The following RALYL variants were observed in gnomAD, a reference collection of about 807,000 sequenced individuals.
RALYL encodes RALY RNA binding protein like.
In RALYL, 29 loss-of-function variants were observed where a neutral mutation model predicts 35.1. That is an observed-to-expected ratio of 0.83 (90% CI 0.61 to 1.13). RALYL has a LOEUF of 1.13. Ranked by LOEUF, RALYL falls within the 50% of genes most tolerant of loss-of-function variation. The pLI is 0.00. For synonymous variants in RALYL, 120 were observed against 127.6 expected (o/e 0.94, Z 0.40); for missense variants, 359 against 360.4 (o/e 1.00, Z 0.03).
chr8:84,840,703 A>C (rs1038252208), intron 4 of RALYL, among the ~76,000 whole-genome samples: 1 of 152,242 alleles, frequency 6.6e-6, no homozygotes, highest in African/African-American at 2.4e-5. Context: ...AAAAATGTTA[A>C]GGGCAGCCAG....
intron 1 of RALYL, among the ~76,000 whole-genome samples, chr8:84,481,334 T>A (rs1176426551): frequency 6.6e-6 from 1 of 152,172 alleles, no homozygotes; most frequent in Non-Finnish European, 1.5e-5. Context: ...ATTTTGTTGC[T>A]GTTGTTTGTT....
intron 2 of RALYL, among the ~76,000 whole-genome samples, chr8:84,575,947 G>A (rs1344614043): frequency 2.8e-5 from 4 of 143,094 alleles, no homozygotes; most frequent in African/African-American, 1.1e-4. Context: ...GGGCAACATA[G>A]CAAGATTTTG....
intron 2 of RALYL, among the ~76,000 whole-genome samples, chr8:84,532,683 A>G (rs2059350171): frequency 6.6e-6 from 1 of 152,078 alleles, no homozygotes; most frequent in Non-Finnish European, 1.5e-5. Context: ...TTGATCTCAA[A>G]TAATGCATAT....
intron 4 of RALYL, among the ~76,000 whole-genome samples, chr8:84,815,414 A>T (rs1331087736): frequency 1.4e-5 from 2 of 147,900 alleles, no homozygotes; most frequent in Middle Eastern, 3.6e-3. Flanking sequence ...TTTACTATTT[A>T]TATATTTATT....
chr8:84,438,915 G>T (rs2048028738), intron 1 of RALYL, among the ~76,000 whole-genome samples: 1 of 150,536 alleles, frequency 6.6e-6, no homozygotes, highest in Non-Finnish European at 1.5e-5. Flanking sequence ...TTATTTCTGG[G>T]TTCCCTATTA....
intron 1 of RALYL, among the ~76,000 whole-genome samples, chr8:84,408,422 A>G (rs1204291272): frequency 6.6e-6 from 1 of 152,220 alleles, no homozygotes; most frequent in Non-Finnish European, 1.5e-5. Flanking sequence ...GTAATAAAAT[A>G]TGTCATCCAG....
At chr8:84,662,864 G>A (rs550269035) in intron 2 of RALYL, among the ~76,000 whole-genome samples, 2 of 152,014 alleles carry the variant, frequency 1.3e-5, no homozygotes, top group Non-Finnish European at 2.9e-5. Context: ...GGATACATGT[G>A]CAGGATATGC....
chr8:84,784,613 AG>A (rs1818938914), intron 3 of RALYL, among the ~76,000 whole-genome samples: 1 of 152,210 alleles, frequency 6.6e-6, no homozygotes, highest in African/African-American at 2.4e-5. Context: ...AGTGGCTTAT[AG>A]GTTTTTTAAG....
chr8:84,576,753 A>G (rs1013896707), intron 2 of RALYL, among the ~76,000 whole-genome samples: 3 of 152,226 alleles, frequency 2.0e-5, no homozygotes, highest in African/African-American at 7.2e-5. Context: ...TCTGACATAT[A>G]GTAAGTTCTC....
chr8:84,469,478 C>G (rs1433937003), intron 1 of RALYL, among the ~76,000 whole-genome samples: 3 of 152,212 alleles, frequency 2.0e-5, no homozygotes, highest in Non-Finnish European at 4.4e-5. Flanking sequence ...CAGGGACCCA[C>G]TTGAGGAGGC....
intron 1 of RALYL, among the ~76,000 whole-genome samples, chr8:84,521,903 A>G (rs1265431976): frequency 1.3e-5 from 2 of 152,128 alleles, no homozygotes; most frequent in Non-Finnish European, 2.9e-5. Flanking sequence ...TTAGTACCTA[A>G]TTGTTCTATT....
intron 2 of RALYL, among the ~76,000 whole-genome samples, chr8:84,608,806 G>C (rs1817692831): frequency 1.3e-5 from 2 of 152,210 alleles, no homozygotes; most frequent in African/African-American, 4.8e-5. Context: ...ACGAATCCTT[G>C]GTTCAGTTTA....
chr8:84,470,101 T>G (rs1335408459), intron 1 of RALYL, among the ~76,000 whole-genome samples: 4 of 152,318 alleles, frequency 2.6e-5, no homozygotes, highest in East Asian at 1.9e-4. Context: ...ACCCATCTTC[T>G]GCGTCGCTCA....
chr8:84,583,830 G>A (rs1811384316), intron 2 of RALYL, among the ~76,000 whole-genome samples: 1 of 152,016 alleles, frequency 6.6e-6, no homozygotes, highest in Admixed American at 6.6e-5. Flanking sequence ...AGTTATTATA[G>A]GACTGTCATA....
chr8:84,333,492 TAC>T (rs1270023294), intron 1 of RALYL, among the ~76,000 whole-genome samples: 1 of 152,160 alleles, frequency 6.6e-6, no homozygotes. Flanking sequence ...AAAACTCTGA[TAC>T]AGTCTTTTTG....
intron 2 of RALYL, among the ~76,000 whole-genome samples, chr8:84,680,854 A>G (rs1263591442): frequency 6.6e-6 from 1 of 151,952 alleles, no homozygotes; most frequent in African/African-American, 2.4e-5. Context: ...CTTTAGTTTC[A>G]TTAGATCCCA....
intron 2 of RALYL, among the ~76,000 whole-genome samples, chr8:84,607,190 G>A (rs1293145545): frequency 6.7e-6 from 1 of 149,368 alleles, no homozygotes; most frequent in East Asian, 2.0e-4. Context: ...TTTTCTTCCT[G>A]CTTCTTTCTC....
At chr8:84,486,009 CT>C (rs3043836) in intron 1 of RALYL, among the ~76,000 whole-genome samples, 3,635 of 104,928 alleles carry the variant, frequency 0.035, 34 homozygotes, top group African/African-American at 0.074. Context: ...AAATCAAAAG[CT>C]TTTTTTTTTT....
chr8:84,837,260 T>G (rs1032026819), intron 4 of RALYL, among the ~76,000 whole-genome samples: 5 of 152,216 alleles, frequency 3.3e-5, no homozygotes, highest in East Asian at 3.9e-4. Context: ...GATAATGTTA[T>G]TCACAACTCC....
Sources: allele counts gnomAD v4.1 joint callset (sites outside exome capture counted in the v4.1 genomes callset), GRCh38; gene constraint gnomAD v4.1.1; transcripts MANE v1.5; gene names NCBI Gene and HGNC (gene_info 2026-07-23, HGNC 2026-07-21).